Variants in GDAP2 observed in about 807,000 individuals in gnomAD.
GDAP2 encodes the protein ganglioside-induced differentiation-associated protein 2.
GDAP2 carries 51 observed loss-of-function variants against 67.0 expected under a neutral mutation model. The ratio of observed to expected loss-of-function variants is 0.76; its 90% CI spans 0.61 to 0.96. GDAP2 has a LOEUF of 0.96. Ranked by LOEUF, GDAP2 falls within the 40% of genes least tolerant of loss-of-function variation. The pLI is 0.00. For missense variants in GDAP2, 547 were observed against 588.3 expected, an observed-to-expected ratio of 0.93 and a Z score of 0.73; for synonymous variants, 203 against 207.3, an observed-to-expected ratio of 0.98 and a Z score of 0.18.
rs1423474620 is a variant in GDAP2, at chr1:117,869,935, T to C, written c.*634A>G. 6.6e-6 allele frequency: 1 copy of C among 152,348 alleles called. No individual in the cohort carries two copies. The highest frequency in any genetic ancestry group is 1.5e-5 in the Non-Finnish European group (1 of 68,146). The allele number at this position is 152,348 out of a possible 1,614,324, so 9.4% of individuals were successfully genotyped here. On this transcript the variant is annotated 3_prime_UTR_variant, in exon 14 of 14. Transcript: ENST00000369443. Reference sequence around the variant, plus strand: ...TGTTGAGATCGGAACTGTGGCAATCTTAACAAGTCATATAATCCAAGGAAC... The same window carrying C: ...TGTTGAGATCGGAACTGTGGCAATCCTAACAAGTCATATAATCCAAGGAAC...
Position 117,865,425 on chromosome 1 carries a change from A to G in GDAP2, c.*5144T>C, listed in dbSNP as rs1648022727. Reference sequence around the variant, plus strand: ...ATAAAAGCTTTCTGAATTTTCAGTAAGCAAATTGTAAGATCTGTCAATTTA... The same window carrying G: ...ATAAAAGCTTTCTGAATTTTCAGTAGGCAAATTGTAAGATCTGTCAATTTA... On this transcript the variant is annotated 3_prime_UTR_variant, in exon 14 of 14. Coordinates refer to ENST00000369443, the MANE Select transcript of GDAP2 (RefSeq NM_017686.4). The G allele has an allele frequency of 6.6e-6, 1 of 152,228 alleles. No individual in the cohort carries two copies. Among genetic ancestry groups the G allele is most frequent in the Non-Finnish European group, 1.5e-5 (1 of 68,034 alleles). The allele number at this position is 152,228 out of a possible 1,614,324, so 9.4% of individuals were successfully genotyped here.
chr1:117,914,038 CT>C (rs1053977557), intron 3 of GDAP2, among the ~76,000 whole-genome samples: 3 of 152,182 alleles, frequency 2.0e-5, no homozygotes, highest in Admixed American at 1.3e-4. Context: ...CCAGAAATTT[CT>C]GTTCTTCCTA....
intron 9 of GDAP2, 34 bp from the exon 10 acceptor site, chr1:117,886,687 C>T (rs763152617): frequency 1.0e-5 from 11 of 1,079,834 alleles, no homozygotes; most frequent in African/African-American, 4.6e-5. Flanking sequence ...CACCCAGAAA[C>T]TTCATTCCAA....
rs1203047961 is a variant in GDAP2 at position 117,868,988 on chromosome 1, T to TTATG, written c.*1580_*1581insCATA. On this transcript the variant is annotated 3_prime_UTR_variant, in exon 14 of 14. Coordinates refer to ENST00000369443, the MANE Select transcript of GDAP2 (RefSeq NM_017686.4). Reference sequence around the variant, plus strand: ...AAAATACAGGATGAATTTAATGCACTATAGGGGCATTTCCCTATCATAAAT... The same window carrying TTATG: ...AAAATACAGGATGAATTTAATGCACTTATGATAGGGGCATTTCCCTATCATAAAT... The TTATG allele has an allele frequency of 1.3e-5, 2 of 152,168 alleles. No individual in the cohort carries two copies. Among genetic ancestry groups the TTATG allele is most frequent in the African/African-American group, 4.8e-5 (2 of 41,444 alleles). 9.4% of individuals were successfully genotyped at this position (152,168 alleles called of 1,614,324 possible). A position where few individuals can be genotyped will look rare whatever the true frequency, so the allele number is the denominator to read the frequency against.
At chr1:117,888,984 T>G (rs1399614779) in intron 8 of GDAP2, among the ~76,000 whole-genome samples, 1 of 152,194 alleles carries the variant, frequency 6.6e-6, no homozygotes, top group Non-Finnish European at 1.5e-5. Context: ...ACAGTGTTAC[T>G]GCATTAGTTC....
intron 1 of GDAP2, among the ~76,000 whole-genome samples, chr1:117,927,364 C>T (rs1316594278): frequency 2.5e-4 from 38 of 152,036 alleles, no homozygotes; most frequent in East Asian, 1.9e-4. Context: ...GGATCACCAT[C>T]TCAAAAAAAA....
rs1250304827 is a variant in GDAP2, at chr1:117,912,026, T to G, written c.527A>C (p.Tyr176Ser). ...TATGTGTGTTGCATCCTCTAAAGGATAACCACGTTTTGCAGAATTGATGAC... is the reference window on the plus strand; with the variant it reads ...TATGTGTGTTGCATCCTCTAAAGGAGAACCACGTTTTGCAGAATTGATGAC... The part of the protein sequence containing the change: ...FCVINSAKRG[Y>S]PLEDATHIAL... The change falls in exon 5 of 14, where the codon TAT (tyrosine) becomes TCT (serine). Residue 176 changes from tyrosine to serine, a missense_variant. Transcript: ENST00000369443. The G allele has an allele frequency of 1.9e-6, 3 of 1,606,110 alleles. No homozygotes were observed. The highest frequency in any genetic ancestry group is 2.6e-6 in the Non-Finnish European group (3 of 1,172,966).
intron 11 of GDAP2, chr1:117,882,885 G>A (rs1484589918): frequency 3.3e-5 from 5 of 152,044 alleles, no homozygotes; most frequent in African/African-American, 1.2e-4. Flanking sequence ...CAGGAGGGTT[G>A]AGTGCCACTT....
chr1:117,894,396 A>C (rs1283697269), intron 8 of GDAP2, among the ~76,000 whole-genome samples: 2 of 152,232 alleles, frequency 1.3e-5, no homozygotes, highest in African/African-American at 4.8e-5. Context: ...AGACATTTAC[A>C]TTGATAGTGC....
At chr1:117,877,539 C>T in intron 13 of GDAP2, 1 of 972,540 alleles carries the variant, frequency 1.0e-6, no homozygotes. Flanking sequence ...ATAATATTAT[C>T]AGATGATGCT....
At chr1:117,902,430 C>T (rs1180501382) in intron 6 of GDAP2, among the ~76,000 whole-genome samples, 1 of 152,186 alleles carries the variant, frequency 6.6e-6, no homozygotes, top group Non-Finnish European at 1.5e-5. Flanking sequence ...AGTTTTATAA[C>T]TTTAGCTCTT....
intron 9 of GDAP2, 120 bp downstream of exon 9, chr1:117,887,578 A>T: frequency 1.4e-6 from 1 of 720,646 alleles, no homozygotes; most frequent in South Asian, 1.5e-5. Flanking sequence ...CTTTATTAGT[A>T]CAAAACCATT....
chr1:117,914,905 C>G (rs1269521264), intron 3 of GDAP2, among the ~76,000 whole-genome samples: 1 of 151,912 alleles, frequency 6.6e-6, no homozygotes, highest in Non-Finnish European at 1.5e-5. Context: ...GGTAGATTTA[C>G]TCACAAAAAT....
At position 117,928,438 on chromosome 1, in the gene GDAP2, G is replaced by A. The variant is rs183642373; in HGVS notation, c.-68+1010C>T. Among the ~76,000 whole-genome samples, 66 of 152,252 alleles carry A rather than the reference G, an allele frequency of 4.3e-4. No individual in the cohort carries two copies. In the East Asian group the frequency reaches 9.6e-3, roughly 22 times the overall value. ...TCTCCCCATAATAATATAATGCACA[G>A]CACCTGTCAGGGATATTAACCATAC... On this transcript the variant is annotated intron_variant, in intron 1 of 13. Coordinates refer to ENST00000369443, the MANE Select transcript of GDAP2 (RefSeq NM_017686.4).
chr1:117,880,618 G>C (rs1362167449), intron 12 of GDAP2, among the ~76,000 whole-genome samples: 1 of 152,188 alleles, frequency 6.6e-6, no homozygotes, highest in Non-Finnish European at 1.5e-5. Flanking sequence ...ACTAACTGTT[G>C]AAGAGAGCTT....
At chr1:117,894,801 A>G (rs1557800935) in intron 8 of GDAP2, among the ~76,000 whole-genome samples, 1 of 152,244 alleles carries the variant, frequency 6.6e-6, no homozygotes, top group Non-Finnish European at 1.5e-5. Flanking sequence ...TTCAAGAAAA[A>G]TAATCAACAG....
chr1:117,899,266 A>C (rs778840001), intron 6 of GDAP2, 50 bp from the exon 7 acceptor site: 1 of 1,271,452 alleles, frequency 7.9e-7, no homozygotes, highest in Non-Finnish European at 1.1e-6. Flanking sequence ...AAAACAAAGA[A>C]GACCTCAGCA....
chr1:117,885,078 G>A (rs747479215), intron 10 of GDAP2, among the ~76,000 whole-genome samples: 2 of 151,904 alleles, frequency 1.3e-5, no homozygotes, highest in African/African-American at 2.4e-5. Flanking sequence ...GGCTAGTCTC[G>A]AACTCCTGGG....
chr1:117,894,389 C>T (rs1268512802), intron 8 of GDAP2, among the ~76,000 whole-genome samples: 1 of 152,146 alleles, frequency 6.6e-6, no homozygotes, highest in Non-Finnish European at 1.5e-5. Flanking sequence ...ACTGCATAGA[C>T]ATTTACATTG....
Sources: gnomAD v4.1 joint callset for allele counts (sites outside exome capture counted in the v4.1 genomes callset) on GRCh38, gnomAD v4.1.1 for gene constraint, MANE v1.5 for transcripts, NCBI Gene and HGNC (gene_info 2026-07-23, HGNC 2026-07-21) for gene names.